RGS20: variants seen among roughly 807,000 people sequenced by gnomAD.
The protein encoded by RGS20 is gz-selective GTPase-activating protein.
In RGS20, 30 loss-of-function variants were observed where a neutral mutation model predicts 33.6. That is an observed-to-expected ratio of 0.89 (90% CI 0.67 to 1.21). RGS20 has a LOEUF of 1.21. Among genes scored for constraint, RGS20 ranks in the 50% most tolerant of loss-of-function variants. The probability of loss-of-function intolerance (pLI) is 0.00; values close to 1 mark genes in which losing one functional copy is unlikely to be tolerated. For missense variants in RGS20, 472 were observed against 502.4 expected, an observed-to-expected ratio of 0.94 and a Z score of 0.58; for synonymous variants, 208 against 197.9, an observed-to-expected ratio of 1.05 and a Z score of -0.43.
intron 2 of RGS20, among the ~76,000 whole-genome samples, chr8:53,886,418 T>C (rs1171659521): frequency 1.3e-5 from 2 of 152,236 alleles, no homozygotes; most frequent in African/African-American, 4.8e-5. Context: ...GGGAATCACT[T>C]GTGAAATATG....
chr8:53,852,503 G>A (rs1308967423), intron 1 of RGS20, among the ~76,000 whole-genome samples: 1 of 152,122 alleles, frequency 6.6e-6, no homozygotes, highest in Non-Finnish European at 1.5e-5. Flanking sequence ...AGAACATTAA[G>A]GAGCTGAGGG....
chr8:53,877,846 T>C lies in RGS20; in HGVS notation c.166-1412T>C, dbSNP rs113719670. On this transcript the variant is annotated intron_variant, in intron 1 of 5. Transcript: ENST00000297313. This position sits in a 1 kb window ranked among gnomAD's most constrained non-coding sequence, Gnocchi z 5.7. Reference sequence around the variant, plus strand: ...GGCTTCCCAGAAAGGGCCTCATGAATGAGAATGGGTTGCTAGGTTTCCTTC... The same window carrying C: ...GGCTTCCCAGAAAGGGCCTCATGAACGAGAATGGGTTGCTAGGTTTCCTTC... 3.9e-5 allele frequency among the ~76,000 whole-genome samples: 6 copies of C among 152,326 alleles called. No homozygotes were observed. Among genetic ancestry groups the C allele is most frequent in the African/African-American group, 1.2e-4 (5 of 41,578 alleles).
Position 53,909,530 on chromosome 8 carries a change from AG to A in RGS20, c.510+29929del, listed in dbSNP as rs576015027. On this transcript the variant is annotated intron_variant, in intron 2 of 5. Transcript: ENST00000297313. ...TGGTCTCCCAAAGTGCTGGGATTAC[AG>A]CTGTGGGCCACCACACCCAGCCCCT... Among the ~76,000 whole-genome samples the A allele has an allele frequency of 7.8e-3, 1,187 of 152,074 alleles. 17 individuals carry two copies. The highest frequency in any genetic ancestry group is 0.027 in the African/African-American group (1,126 of 41,480).
At chr8:53,863,026 T>C (rs1811843069) in intron 1 of RGS20, among the ~76,000 whole-genome samples, 1 of 152,192 alleles carries the variant, frequency 6.6e-6, no homozygotes, top group African/African-American at 2.4e-5. Context: ...TTCGCTCTTG[T>C]TTCTCAGGCT....
intron 3 of RGS20, among the ~76,000 whole-genome samples, chr8:53,945,638 G>A (rs1046596490): frequency 2.0e-5 from 3 of 152,134 alleles, no homozygotes; most frequent in Admixed American, 2.0e-4. Context: ...GAAAGTGGCC[G>A]GGCACGGTGG....
intron 1 of RGS20, chr8:53,876,216 T>C (rs1812204111): frequency 6.6e-6 from 1 of 152,252 alleles, no homozygotes; most frequent in Non-Finnish European, 1.5e-5. Flanking sequence ...TCATTTATTC[T>C]GCTATGGATA....
At chr8:53,953,025 G>A (rs945559091) in intron 4 of RGS20, among the ~76,000 whole-genome samples, 2 of 152,140 alleles carry the variant, frequency 1.3e-5, no homozygotes, top group African/African-American at 2.4e-5. Context: ...GCATTCATAA[G>A]TGTTCATTTA....
intron 1 of RGS20, among the ~76,000 whole-genome samples, chr8:53,865,808 G>A (rs1357900568): frequency 6.6e-6 from 1 of 152,146 alleles, no homozygotes; most frequent in African/African-American, 2.4e-5. Context: ...GGGCTTCTCT[G>A]TTTTGGCCAG....
At chr8:53,950,229 T>A (rs543333660) in intron 4 of RGS20, among the ~76,000 whole-genome samples, 27 of 152,236 alleles carry the variant, frequency 1.8e-4, no homozygotes, top group Admixed American at 4.6e-4. Context: ...GTTCAAATTT[T>A]AAAAAAATTG....
intron 4 of RGS20, among the ~76,000 whole-genome samples, chr8:53,947,199 TATATAAGATATAGCATATTTATTTA>T (rs755848557): frequency 1.2e-4 from 18 of 144,888 alleles, no homozygotes; most frequent in Admixed American, 7.8e-4. Flanking sequence ...TTATACACGC[TATATAAGATATAGCATATTTATTTA>T]TACATGCTAT....
intron 2 of RGS20, among the ~76,000 whole-genome samples, chr8:53,909,412 G>A (rs923468755): frequency 2.0e-5 from 3 of 151,084 alleles, no homozygotes; most frequent in South Asian, 2.1e-4. Context: ...ACCATATATG[G>A]CTAATTTGTT....
chr8:53,947,330 T>C (rs941071707), intron 4 of RGS20, among the ~76,000 whole-genome samples: 13 of 136,178 alleles, frequency 9.5e-5, no homozygotes, highest in East Asian at 4.2e-4. Flanking sequence ...TTATATATGC[T>C]ATATATAAGA....
rs1403389708 is a variant in RGS20, at chr8:53,958,334, T to C, written c.1043T>C (p.Ile348Thr). 2 of 1,613,854 alleles carry C rather than the reference T, an allele frequency of 1.2e-6. No individual in the cohort carries two copies. The highest frequency in any genetic ancestry group is 1.1e-5 in the South Asian group (1 of 91,048). The change falls in exon 6 of 6, where the codon ATA becomes ACA. Residue 348 changes from isoleucine (I) to threonine (T), a missense_variant. Ile to Thr is a moderately conservative substitution (Grantham distance 89). Coordinates refer to ENST00000297313, the MANE Select transcript of RGS20 (RefSeq NM_170587.4). ...AACATGGTGGAGCCATCCCAACACA[T>C]ATTCGATGATGCTCAACTTCAGATT...
intron 5 of RGS20, among the ~76,000 whole-genome samples, chr8:53,957,070 G>A (rs1479098016): frequency 1.3e-5 from 2 of 152,160 alleles, no homozygotes; most frequent in African/African-American, 2.4e-5. Flanking sequence ...GAGCTCACTA[G>A]GACACAGAGT....
intron 2 of RGS20, among the ~76,000 whole-genome samples, chr8:53,903,750 G>T (rs368774425): frequency 6.6e-6 from 1 of 152,186 alleles, no homozygotes; most frequent in African/African-American, 2.4e-5. Flanking sequence ...CCAAGTCTCA[G>T]CACTAGATGC....
At chr8:53,935,315 G>A (rs191546582) in intron 2 of RGS20, among the ~76,000 whole-genome samples, 3 of 152,216 alleles carry the variant, frequency 2.0e-5, no homozygotes, top group Admixed American at 6.5e-5. Flanking sequence ...ATGAATCAAG[G>A]AGCTGGTTTT....
At chr8:53,879,135 T>C in intron 1 of RGS20, 2 of 759,272 alleles carry the variant, frequency 2.6e-6, no homozygotes, top group South Asian at 3.3e-5. Flanking sequence ...TCCTTCTGCT[T>C]TCACCGACCT....
At chr8:53,910,144 A>G (rs953086842) in intron 2 of RGS20, among the ~76,000 whole-genome samples, 1 of 152,198 alleles carries the variant, frequency 6.6e-6, no homozygotes, top group Non-Finnish European at 1.5e-5. Context: ...AAACACCTTT[A>G]CATAAAACAG....
chr8:53,931,588 C>A (rs948534950), intron 2 of RGS20, among the ~76,000 whole-genome samples: 1 of 132,786 alleles, frequency 7.5e-6, no homozygotes, highest in African/African-American at 3.2e-5. Context: ...ACAACAACAA[C>A]AACAAACAAC....
Sources: gnomAD v4.1 joint callset for allele counts (sites outside exome capture counted in the v4.1 genomes callset) on GRCh38, gnomAD v4.1.1 for gene constraint, Gnocchi (gnomAD v3.1) non-coding constraint, MANE v1.5 for transcripts, NCBI Gene and HGNC (gene_info 2026-07-23, HGNC 2026-07-21) for gene names.